Variants in MAGEC3 observed in about 807,000 individuals in gnomAD.
The protein encoded by MAGEC3 is MAGE family member C3.
Under a neutral mutation model 35.3 loss-of-function variants are expected in MAGEC3, and 34 were observed. That is an observed-to-expected ratio of 0.96 (90% CI 0.73 to 1.28). MAGEC3 has a LOEUF of 1.28. Ranked by LOEUF, MAGEC3 falls within the 50% of genes most tolerant of loss-of-function variation. The pLI, the probability that MAGEC3 is intolerant of heterozygous loss-of-function variation, is 0.00. For missense variants in MAGEC3, 561 were observed against 483.6 expected (o/e 1.16, Z -1.50); for synonymous variants, 202 against 185.6 (o/e 1.09, Z -0.72).
intron 1 of MAGEC3, among the ~76,000 whole-genome samples, chrX:141,861,649 C>CA (rs1166556341): frequency 9.0e-6 from 1 of 111,678 alleles, no homozygotes; most frequent in East Asian, 2.8e-4. Context: ...TGATCTTCAA[C>CA]AAAGCCATCA....
intron 1 of MAGEC3, among the ~76,000 whole-genome samples, chrX:141,850,926 C>T (rs1603054376): frequency 9.0e-6 from 1 of 110,783 alleles, no homozygotes; most frequent in Admixed American, 9.6e-5. Context: ...ATAACTATCA[C>T]AAAAGATTGA....
At position 141,897,357 on chromosome X, in the gene MAGEC3, T is replaced by C. The variant is rs149345373; in HGVS notation, c.1599T>C (p.Tyr533=). The C allele has an allele frequency of 1.2e-4, 150 of 1,210,348 alleles. No individual in the cohort carries two copies. The African/African-American group carries it at 2.1e-3, about 17-fold the overall frequency. Residue 533 remains tyrosine, a synonymous_variant, in exon 7 of 8, where the codon TAT becomes TAC. Transcript: ENST00000298296. The stretch of plus-strand genomic sequence containing the variant: ...TTGAAGACACATTAGACCTCACCTA[T>C]GAGGGAAGCCTGATTGATGACCAGG... The part of the protein sequence containing the change: ...YFFEDTLDLT[Y]EGSLIDDQGM...
intron 7 of MAGEC3, 62 bp downstream of exon 7, chrX:141,897,548 G>A: frequency 8.4e-7 from 1 of 1,195,381 alleles, no homozygotes; most frequent in South Asian, 1.9e-5. Context: ...ACTATACATT[G>A]GGTGCAGAGA....
intron 4 of MAGEC3, among the ~76,000 whole-genome samples, chrX:141,891,688 T>A: frequency 9.6e-6 from 1 of 103,690 alleles, no homozygotes; most frequent in Admixed American, 1.1e-4. Flanking sequence ...CATATATAAA[T>A]ATATATATTT....
chrX:141,840,754 G>C (rs1034544768), intron 1 of MAGEC3, among the ~76,000 whole-genome samples: 1 of 107,645 alleles, frequency 9.3e-6, no homozygotes, highest in Non-Finnish European at 1.9e-5. Flanking sequence ...TCAGTGGGTA[G>C]TTATGCTTTT....
chrX:141,897,467 A>T lies in MAGEC3; in HGVS notation c.1709A>T (p.Glu570Val). The change falls in exon 7 of 8, where the codon GAA becomes GTA. Residue 570 changes from glutamate to valine, a missense_variant. Coordinates refer to ENST00000298296, the MANE Select transcript of MAGEC3 (RefSeq NM_138702.1). ...GSCVPEEVIWEVLSAIGPIQR... is the reference protein window; with the variant it reads ...GSCVPEEVIWVVLSAIGPIQR... The stretch of plus-strand genomic sequence containing the variant: ...TGTGTCCCCGAGGAGGTCATCTGGG[A>T]AGTGTTGAGTGCAATAGGGGTGTGT... 1 of 1,208,563 alleles carries T rather than the reference A, an allele frequency of 8.3e-7. No homozygotes were observed. The highest frequency in any genetic ancestry group is 1.1e-6 in the Non-Finnish European group (1 of 894,197).
At chrX:141,847,176 G>A (rs1194751070) in intron 1 of MAGEC3, among the ~76,000 whole-genome samples, 1 of 110,982 alleles carries the variant, frequency 9.0e-6, no homozygotes, top group Non-Finnish European at 1.9e-5. Flanking sequence ...CAACTGTGTT[G>A]TAGGACACAT....
At chrX:141,880,796 C>T (rs779969226) in intron 3 of MAGEC3, 351 of 1,032,865 alleles carry the variant, frequency 3.4e-4, no homozygotes, top group South Asian at 2.8e-3. Flanking sequence ...GCAGGTGACC[C>T]GTGAGGCCCT....
Position 141,840,293 on chromosome X carries a change from T to A in MAGEC3, c.123+1855T>A, listed in dbSNP as rs1440518770. On this transcript the variant is annotated intron_variant, in intron 1 of 7. Transcript: ENST00000298296. ...GCAAAAGTATAGTCTTTCTAATTAGTTTTTAGCTTGCAATCTAAATAAATG... is the reference window on the plus strand; with the variant it reads ...GCAAAAGTATAGTCTTTCTAATTAGATTTTAGCTTGCAATCTAAATAAATG... Among the ~76,000 whole-genome samples, 6 of 112,267 alleles carry A rather than the reference T, an allele frequency of 5.3e-5. No homozygotes were observed. The South Asian group carries it at 1.1e-3, about 21-fold the overall frequency.
At chrX:141,887,766 G>A (rs1018354175) in intron 4 of MAGEC3, among the ~76,000 whole-genome samples, 9 of 111,855 alleles carry the variant, frequency 8.0e-5, no homozygotes, top group East Asian at 5.7e-4. Flanking sequence ...TATCAGTGGC[G>A]GATAGGGATG....
Position 141,881,666 on chromosome X carries a change from G to A in MAGEC3, c.779G>A (p.Cys260Tyr), listed in dbSNP as rs2124117257. The change falls in exon 4 of 8, where the codon TGT becomes TAT. Residue 260 changes from cysteine to tyrosine, a missense_variant. Coordinates refer to ENST00000298296, the MANE Select transcript of MAGEC3 (RefSeq NM_138702.1). Reference protein sequence around the residue: ...YVFVNTLDLTCEGSLSDEQGM... With the variant: ...YVFVNTLDLTYEGSLSDEQGM... ...TTTGTAAACACATTAGACCTCACCT[G>A]TGAGGGGAGTCTGAGTGATGAGCAG... 1.7e-6 allele frequency: 2 copies of A among 1,211,630 alleles called. No individual in the cohort carries two copies. Among genetic ancestry groups the A allele is most frequent in the Non-Finnish European group, 2.2e-6 (2 of 895,465 alleles).
rs530907190 is a variant in MAGEC3 at position 141,861,615 on chromosome X, C to T, written c.124-3856C>T. Among the ~76,000 whole-genome samples the T allele has an allele frequency of 1.1e-4, 12 of 111,337 alleles. No homozygotes were observed. In the South Asian group the frequency reaches 4.1e-3, roughly 38 times the overall value. ...TGGAATGAAATGAAAAACCCAAAAA[C>T]AAATCCATATATTTACAACCATCTG... is the stretch of plus-strand genomic sequence containing the variant. On this transcript the variant is annotated intron_variant, in intron 1 of 7. Coordinates refer to ENST00000298296, the MANE Select transcript of MAGEC3 (RefSeq NM_138702.1).
chrX:141,870,915 A>G (rs1231888884), intron 2 of MAGEC3, among the ~76,000 whole-genome samples: 1 of 112,395 alleles, frequency 8.9e-6, no homozygotes, highest in Non-Finnish European at 1.9e-5. Context: ...CAAACCTAAT[A>G]TCTGACCTGC....
intron 1 of MAGEC3, among the ~76,000 whole-genome samples, chrX:141,845,321 T>C (rs2017709804): frequency 9.0e-6 from 1 of 111,391 alleles, no homozygotes; most frequent in Non-Finnish European, 1.9e-5. Flanking sequence ...ATGAGAATAG[T>C]CTTTATGATG....
chrX:141,897,371 T>C lies in MAGEC3; in HGVS notation c.1613T>C (p.Ile538Thr), dbSNP rs919119464. ...GACCTCACCTATGAGGGAAGCCTGA[T>C]TGATGACCAGGGCATGCCCAAGAAC... ...TLDLTYEGSLIDDQGMPKNCL... is the reference protein window; with the variant it reads ...TLDLTYEGSLTDDQGMPKNCL... The change falls in exon 7 of 8, where the codon ATT (isoleucine) becomes ACT (threonine). Residue 538 changes from isoleucine (I) to threonine (T), a missense_variant. Physicochemically the swap from Ile to Thr is moderately conservative, Grantham distance 89. Coordinates refer to ENST00000298296, the MANE Select transcript of MAGEC3 (RefSeq NM_138702.1). 3.3e-6 allele frequency: 4 copies of C among 1,212,021 alleles called. No homozygotes were observed. Among genetic ancestry groups the C allele is most frequent in the Admixed American group, 2.2e-5 (1 of 46,082 alleles).
intron 2 of MAGEC3, among the ~76,000 whole-genome samples, chrX:141,866,291 C>T (rs180750332): frequency 8.9e-6 from 1 of 111,827 alleles, no homozygotes; most frequent in Non-Finnish European, 1.9e-5. Flanking sequence ...TAATTATAAT[C>T]CATGGAGCTG....
rs1419561495 is a variant in MAGEC3 at position 141,897,309 on chromosome X, C to T, written c.1551C>T (p.Asp517=). Residue 517 remains aspartate, a synonymous_variant, in exon 7 of 8, where the codon GAC becomes GAT. Transcript: ENST00000298296. ...TTGGCATTGCCCTGACTGATATGGA[C>T]CCCGACAACCACTCCTATTTCTTTG... ...LIFGIALTDM[D]PDNHSYFFED... is the part of the protein sequence containing the mutation. 2.5e-6 allele frequency: 3 copies of T among 1,210,061 alleles called. No individual in the cohort carries two copies. Among genetic ancestry groups the T allele is most frequent in the African/African-American group, 3.5e-5 (2 of 57,282 alleles).
chrX:141,882,094 T>C (rs751698625), intron 4 of MAGEC3, among the ~76,000 whole-genome samples: 1 of 111,931 alleles, frequency 8.9e-6, no homozygotes, highest in South Asian at 3.8e-4. Context: ...GCTACTGCCA[T>C]GGCCAGTGCA....
intron 1 of MAGEC3, among the ~76,000 whole-genome samples, chrX:141,841,456 C>G (rs912065459): frequency 9.0e-6 from 1 of 111,637 alleles, no homozygotes; most frequent in Non-Finnish European, 1.9e-5. Flanking sequence ...ACACCAAACC[C>G]CCATGACACA....
Sources: gnomAD v4.1 joint callset for allele counts (sites outside exome capture counted in the v4.1 genomes callset) on GRCh38, gnomAD v4.1.1 for gene constraint, MANE v1.5 for transcripts, NCBI Gene and HGNC (gene_info 2026-07-23, HGNC 2026-07-21) for gene names.